The following THNSL1 variants were observed in gnomAD, a reference collection of about 807,000 sequenced individuals.
THNSL1 encodes threonine synthase-like 1.
In THNSL1, 48 loss-of-function variants were observed where a neutral mutation model predicts 50.4. The ratio of observed to expected loss-of-function variants is 0.95; its 90% CI spans 0.76 to 1.21. THNSL1 has a LOEUF of 1.21. Ranked by LOEUF, THNSL1 falls within the 50% of genes most tolerant of loss-of-function variation. The pLI is 0.00. For synonymous variants in THNSL1, 309 were observed against 306.1 expected (o/e 1.01, Z -0.10); for missense variants, 896 against 871.7 (o/e 1.03, Z -0.35).
chr10:25,011,093 C>T, the THNSL1 span, among the ~76,000 whole-genome samples: 10 of 150,552 alleles, frequency 6.6e-5, no homozygotes, highest in Non-Finnish European at 1.0e-4. Flanking sequence ...TCTCCACATC[C>T]TCTCCAGCAC....
chr10:25,022,737 A>C (rs919597867), intron 2 of THNSL1, among the ~76,000 whole-genome samples: 2 of 152,204 alleles, frequency 1.3e-5, no homozygotes, highest in Non-Finnish European at 2.9e-5. Flanking sequence ...AACTTTTGTG[A>C]ATTGCAAGTA....
chr10:25,016,338 G>A (rs1487012583), upstream of THNSL1, among the ~76,000 whole-genome samples: 1 of 152,196 alleles, frequency 6.6e-6, no homozygotes, highest in Non-Finnish European at 1.5e-5. Context: ...TAAAAACTGT[G>A]CTCTTTTCTA....
chr10:24,967,317 T>A, the THNSL1 span, among the ~76,000 whole-genome samples: 1 of 152,212 alleles, frequency 6.6e-6, no homozygotes, highest in Non-Finnish European at 1.5e-5. Context: ...GTGTGATTTC[T>A]TTCATCAGGT....
Position 25,019,187 on chromosome 10 carries a change from T to G in THNSL1, c.-216+2495T>G, listed in dbSNP as rs146534529. Among the ~76,000 whole-genome samples the G allele has an allele frequency of 6.8e-3, 1,043 of 152,328 alleles. 7 individuals carry two copies. The highest frequency in any genetic ancestry group is 0.01 in the Non-Finnish European group (700 of 68,028). ...ATTACAGATTGAAAATATTTTAAAA[T>G]TTTAGTTGGGCACAGTGGCTCATAC... is the stretch of plus-strand genomic sequence containing the variant. On this transcript the variant is annotated intron_variant, in intron 1 of 2. Coordinates refer to ENST00000376356, the MANE Select transcript of THNSL1 (RefSeq NM_024838.5).
At chr10:24,999,676 A>T in the THNSL1 span, 1 of 850,616 alleles carries the variant, frequency 1.2e-6, no homozygotes, top group Non-Finnish European at 1.8e-6. Flanking sequence ...ATAATCATAA[A>T]ACATACTTAC....
At chr10:25,013,286 ATATT>A (rs1280721838), upstream of THNSL1, among the ~76,000 whole-genome samples, 1 of 152,258 alleles carries the variant, frequency 6.6e-6, no homozygotes, top group Non-Finnish European at 1.5e-5. Flanking sequence ...TATAAAAGAC[ATATT>A]TATTAAATTT....
the THNSL1 span, among the ~76,000 whole-genome samples, chr10:24,972,507 CAA>C: frequency 1.5e-5 from 2 of 133,144 alleles, no homozygotes; most frequent in Non-Finnish European, 3.1e-5. Context: ...GACTCTGTCT[CAA>C]AAAAAAAAAA....
chr10:24,998,273 TTTTTC>T, the THNSL1 span, among the ~76,000 whole-genome samples: 96 of 151,996 alleles, frequency 6.3e-4, no homozygotes, highest in African/African-American at 1.3e-3. Context: ...ACTCGTTTCT[TTTTTC>T]TTTTCTTTTC....
At chr10:25,015,981 C>T (rs1850560673), upstream of THNSL1, 1 of 1,582,796 alleles carries the variant, frequency 6.3e-7, no homozygotes, top group East Asian at 2.3e-5. Context: ...CAACTTTTTT[C>T]TCCCTGTCCC....
the THNSL1 span, among the ~76,000 whole-genome samples, chr10:24,964,592 A>G: frequency 6.6e-6 from 1 of 152,266 alleles, no homozygotes. Context: ...TTTGCAGTTT[A>G]TAATATTAAT....
the THNSL1 span, among the ~76,000 whole-genome samples, chr10:25,004,295 T>C: frequency 5.8e-3 from 884 of 152,334 alleles, 6 homozygotes; most frequent in Middle Eastern, 0.02. Context: ...ATATATCCAG[T>C]TATGGGATTG....
At chr10:24,988,735 T>C in the THNSL1 span, among the ~76,000 whole-genome samples, 1 of 96,794 alleles carries the variant, frequency 1.0e-5, no homozygotes, top group Non-Finnish European at 2.0e-5. Flanking sequence ...TATTCCTCAT[T>C]TTAAAAATGA....
the THNSL1 span, among the ~76,000 whole-genome samples, chr10:25,008,698 C>T: frequency 6.6e-6 from 1 of 152,262 alleles, no homozygotes; most frequent in African/African-American, 2.4e-5. Flanking sequence ...GGAAGTGTGG[C>T]GATTCCTCAG....
the THNSL1 span, among the ~76,000 whole-genome samples, chr10:24,967,838 G>A: frequency 6.6e-6 from 1 of 151,648 alleles, no homozygotes; most frequent in African/African-American, 2.4e-5. Context: ...ATGTGTGTAT[G>A]TCTGTATGAT....
chr10:24,952,661 TGGGGACGGGGACGGGGAC>T, the THNSL1 span: 223 of 90,634 alleles, frequency 2.5e-3, 8 homozygotes, highest in African/African-American at 7.9e-3. The surrounding 1 kb of genome is among the most constrained non-coding windows in gnomAD (Gnocchi z 5.1). Flanking sequence ...GACGTGGGGA[TGGGGACGGGGACGGGGAC>T]GGGGACGGGG....
At chr10:24,995,813 G>GATC in the THNSL1 span, 1 of 1,613,960 alleles carries the variant, frequency 6.2e-7, no homozygotes, top group Non-Finnish European at 8.5e-7. Flanking sequence ...ATGACAGGAT[G>GATC]ATCAGTCTTC....
At chr10:24,969,530 T>A in the THNSL1 span, among the ~76,000 whole-genome samples, 1 of 152,292 alleles carries the variant, frequency 6.6e-6, no homozygotes, top group South Asian at 2.1e-4. Flanking sequence ...TTTAATAAGA[T>A]TGTAAGATAT....
At chr10:24,960,500 C>G in the THNSL1 span, among the ~76,000 whole-genome samples, 2 of 151,990 alleles carry the variant, frequency 1.3e-5, no homozygotes, top group East Asian at 3.9e-4. Context: ...AATCTCAGCT[C>G]ACTGCAACCT....
the THNSL1 span, among the ~76,000 whole-genome samples, chr10:24,987,341 C>T: frequency 1.5e-4 from 23 of 152,148 alleles, no homozygotes; most frequent in Non-Finnish European, 2.4e-4. Context: ...GTCAATAATT[C>T]CTTCATAAAT....
Sources: gnomAD v4.1 joint callset for allele counts (sites outside exome capture counted in the v4.1 genomes callset) on GRCh38, gnomAD v4.1.1 for gene constraint, Gnocchi (gnomAD v3.1) non-coding constraint, MANE v1.5 for transcripts, NCBI Gene and HGNC (gene_info 2026-07-23, HGNC 2026-07-21) for gene names.